IGF2BP1: variants seen among roughly 807,000 people sequenced by gnomAD.
IGF2BP1 encodes the protein insulin-like growth factor 2 mRNA-binding protein 1.
IGF2BP1 carries 11 observed loss-of-function variants against 74.9 expected under a neutral mutation model. The observed-to-expected ratio is 0.15, with a 90% CI of 0.09 to 0.24. The LOEUF is 0.24. Among genes scored for constraint, IGF2BP1 ranks in the 10% least tolerant of loss-of-function variants. IGF2BP1 has a pLI of 1.00. For synonymous variants in IGF2BP1, 287 were observed against 281.8 expected (o/e 1.02, Z -0.18); for missense variants, 440 against 757.4 (o/e 0.58, Z 4.92).
chr17:49,013,073 G>C (rs1460525113), intron 2 of IGF2BP1: 3 of 152,146 alleles, frequency 2.0e-5, no homozygotes, highest in African/African-American at 4.8e-5. Flanking sequence ...TGGTTGTTGA[G>C]AGGCTCAACT....
chr17:49,014,208 C>T (rs1029984142), intron 2 of IGF2BP1, among the ~76,000 whole-genome samples: 1 of 150,348 alleles, frequency 6.7e-6, no homozygotes, highest in African/African-American at 2.5e-5. Context: ...TCCCCGCGGT[C>T]CCCGTCCCCC....
At chr17:49,024,470 G>C (rs1192256519) in intron 2 of IGF2BP1, among the ~76,000 whole-genome samples, 1 of 152,138 alleles carries the variant, frequency 6.6e-6, no homozygotes, top group Non-Finnish European at 1.5e-5. Context: ...GTTACTGGGA[G>C]AGGGGAAGGT....
chr17:49,032,238 C>T (rs2041930982), intron 5 of IGF2BP1, among the ~76,000 whole-genome samples: 1 of 152,156 alleles, frequency 6.6e-6, no homozygotes, highest in Non-Finnish European at 1.5e-5. Context: ...GGCTCCAAAG[C>T]CCTCCCAGAT....
At chr17:49,032,651 A>G (rs1199674000) in intron 5 of IGF2BP1, among the ~76,000 whole-genome samples, 1 of 152,146 alleles carries the variant, frequency 6.6e-6, no homozygotes, top group South Asian at 2.1e-4. Context: ...TCTCCAATCT[A>G]ATAATACTAT....
chr17:49,005,295 C>G (rs779907801), intron 2 of IGF2BP1, among the ~76,000 whole-genome samples: 1 of 152,208 alleles, frequency 6.6e-6, no homozygotes, highest in Non-Finnish European at 1.5e-5. Flanking sequence ...TGAAATGTAA[C>G]TGTGTGCAGA....
chr17:49,014,244 C>T (rs1333504860), intron 2 of IGF2BP1, among the ~76,000 whole-genome samples: 5 of 143,762 alleles, frequency 3.5e-5, no homozygotes, highest in African/African-American at 1.3e-4. Context: ...GTCTCCCCCT[C>T]AGTCCCCGTC....
At position 49,038,222 on chromosome 17, in the gene IGF2BP1, C is replaced by T. The variant is rs1167092402; in HGVS notation, c.456C>T (p.Ser152=). 2 of 1,562,468 alleles carry T rather than the reference C, an allele frequency of 1.3e-6. No individual in the cohort carries two copies. The highest frequency in any genetic ancestry group is 1.9e-5 in the Admixed American group (1 of 52,536). Residue 152 remains serine (S), a synonymous_variant, in exon 6 of 15, where the codon TCC becomes TCT. Coordinates refer to ENST00000290341, the MANE Select transcript of IGF2BP1 (RefSeq NM_006546.4). ...TGGAGAACCATGCCCTGAAGGTCTCCTACATCCCCGATGAGCAGATAGCAC... is the reference window on the plus strand; with the variant it reads ...TGGAGAACCATGCCCTGAAGGTCTCTTACATCCCCGATGAGCAGATAGCAC... ...HQLENHALKV[S]YIPDEQIAQG...
In IGF2BP1 at chr17:49,014,511, G is replaced by A. The variant is rs142374570; in HGVS notation, c.237-11107G>A. Among the ~76,000 whole-genome samples the A allele has an allele frequency of 1.6e-3, 243 of 152,110 alleles. 1 individual carries two copies. Among genetic ancestry groups the A allele is most frequent in the African/African-American group, 5.5e-3 (228 of 41,492 alleles). ...CCTTGGTGGTAGAACATTCTAGACC[G>A]TGCGGAGCCCTGGGGAGGAAGACCT... On this transcript the variant is annotated intron_variant, in intron 2 of 14. Transcript: ENST00000290341.
intron 2 of IGF2BP1, among the ~76,000 whole-genome samples, chr17:49,019,010 A>C (rs1275643285): frequency 6.6e-6 from 1 of 152,100 alleles, no homozygotes; most frequent in Admixed American, 6.5e-5. Context: ...AGATTCCAAA[A>C]CCTGCTCCCA....
rs370616870 is a variant in IGF2BP1 at position 49,055,153 on chromosome 17, A to C, written c.*5709A>C. 2.9e-5 allele frequency: 3 copies of C among 102,248 alleles called. No homozygotes were observed. The highest frequency in any genetic ancestry group is 1.4e-4 in the African/African-American group (3 of 21,152). The allele number at this position is 102,248 out of a possible 1,614,324, so 6.3% of individuals were successfully genotyped here. A position where few individuals can be genotyped will look rare whatever the true frequency, so the allele number is the denominator to read the frequency against. ...CCAAAAAATAAAATTAAAAAAAAAA[A>C]AACCAAAAAAAAAAATTTTTTTTTA... is the stretch of plus-strand genomic sequence containing the variant. On this transcript the variant is annotated 3_prime_UTR_variant, in exon 15 of 15. Coordinates refer to ENST00000290341, the MANE Select transcript of IGF2BP1 (RefSeq NM_006546.4).
intron 5 of IGF2BP1, among the ~76,000 whole-genome samples, chr17:49,033,633 G>A (rs535752106): frequency 2.0e-5 from 3 of 151,774 alleles, no homozygotes; most frequent in South Asian, 2.1e-4. Context: ...GTGAGCCACC[G>A]CACCCGGCTG....
chr17:49,037,480 C>A, intron 5 of IGF2BP1: 1 of 238,002 alleles, frequency 4.2e-6, no homozygotes. Flanking sequence ...TCATGGAAGT[C>A]ATTTATAGTA....
rs1567815742 is a variant in IGF2BP1 at position 49,019,931 on chromosome 17, TATATATA to T, written c.237-5686_237-5680del. ...ATATATATATATATATATATATATATATATATATATATATATATTTATATACACACAC... is the reference window on the plus strand; with the variant it reads ...ATATATATATATATATATATATATATTATATATATATTTATATACACACAC... On this transcript the variant is annotated intron_variant, in intron 2 of 14. Coordinates refer to ENST00000290341, the MANE Select transcript of IGF2BP1 (RefSeq NM_006546.4). Among the ~76,000 whole-genome samples, 36 of 63,280 alleles carry T rather than the reference TATATATA, an allele frequency of 5.7e-4. 1 individual carries two copies. Among genetic ancestry groups the T allele is most frequent in the South Asian group, 1.2e-3 (3 of 2,490 alleles). 41.5% of individuals were successfully genotyped at this position (63,280 alleles called of 152,430 possible). A position where few individuals can be genotyped will look rare whatever the true frequency, so the allele number is the denominator to read the frequency against.
intron 2 of IGF2BP1, among the ~76,000 whole-genome samples, chr17:49,019,359 G>T (rs533174264): frequency 6.6e-6 from 1 of 152,134 alleles, no homozygotes; most frequent in African/African-American, 2.4e-5. Flanking sequence ...GGATTCTTTC[G>T]AATAGAACAC....
intron 2 of IGF2BP1, among the ~76,000 whole-genome samples, chr17:49,022,016 C>T (rs1440189736): frequency 6.6e-6 from 1 of 152,242 alleles, no homozygotes; most frequent in Non-Finnish European, 1.5e-5. Context: ...CCATACTAGT[C>T]TGGATACTCC....
intron 2 of IGF2BP1, chr17:49,013,134 T>C (rs939256780): frequency 6.6e-6 from 1 of 152,138 alleles, no homozygotes; most frequent in Non-Finnish European, 1.5e-5. Context: ...AAGAAGTACT[T>C]TGTGAACTCT....
intron 2 of IGF2BP1, among the ~76,000 whole-genome samples, chr17:48,999,985 C>T (rs986121131): frequency 7.4e-5 from 11 of 149,480 alleles, no homozygotes; most frequent in African/African-American, 2.5e-4. Flanking sequence ...CCAATACCCT[C>T]TATCCTCTCT....
upstream of IGF2BP1, chr17:48,996,585 ACTCCTCTT>A (rs1190329132): frequency 6.6e-6 from 1 of 151,678 alleles, no homozygotes; most frequent in Non-Finnish European, 1.5e-5. Flanking sequence ...CCTAGCTATC[ACTCCTCTT>A]CCTTGTCTCC....
At chr17:49,019,575 T>G (rs1443787192) in intron 2 of IGF2BP1, among the ~76,000 whole-genome samples, 1 of 152,012 alleles carries the variant, frequency 6.6e-6, no homozygotes, top group Admixed American at 6.5e-5. Flanking sequence ...ACCATGCATA[T>G]GTAGTCTGTT....
Sources: allele counts gnomAD v4.1 joint callset (sites outside exome capture counted in the v4.1 genomes callset), GRCh38; gene constraint gnomAD v4.1.1; transcripts MANE v1.5; gene names NCBI Gene and HGNC (gene_info 2026-07-23, HGNC 2026-07-21).